Variants in PARD6G observed in about 807,000 individuals in gnomAD.
PARD6G encodes partitioning defective 6 homolog gamma.
A neutral mutation model predicts 10.7 loss-of-function variants in PARD6G; 7 were observed. That is an observed-to-expected ratio of 0.66 (90% CI 0.37 to 1.23). The LOEUF (loss-of-function observed/expected upper bound fraction) is 1.23, where lower values mean the gene tolerates loss of function less well. Ranked by LOEUF, PARD6G falls within the 50% of genes most tolerant of loss-of-function variation. The pLI is 0.02. For missense variants in PARD6G, 548 were observed against 571.8 expected, an observed-to-expected ratio of 0.96 and a Z score of 0.42; for synonymous variants, 287 against 269.4, an observed-to-expected ratio of 1.07 and a Z score of -0.64.
chr18:80,245,354 C>T (rs1247691784), intron 1 of PARD6G, among the ~76,000 whole-genome samples: 2 of 152,176 alleles, frequency 1.3e-5, no homozygotes, highest in Non-Finnish European at 1.5e-5. Flanking sequence ...TGTTAACCAA[C>T]CAGTCCTCCC....
intron 1 of PARD6G, among the ~76,000 whole-genome samples, chr18:80,207,557 A>G (rs1967065658): frequency 6.6e-6 from 1 of 152,242 alleles, no homozygotes; most frequent in African/African-American, 2.4e-5. Flanking sequence ...ACTTGTTAAT[A>G]ACTCAATCTA....
chr18:80,197,112 A>C (rs1599860524), intron 2 of PARD6G, among the ~76,000 whole-genome samples: 1 of 152,174 alleles, frequency 6.6e-6, no homozygotes, highest in South Asian at 2.1e-4. Context: ...TCAAGCCCCT[A>C]GGCGGTGTCC....
At position 80,175,089 on chromosome 18, in the gene PARD6G, G is replaced by C. The variant is rs2052800881; in HGVS notation, c.296-14483C>G. 6.6e-6 allele frequency among the ~76,000 whole-genome samples: 1 copy of C among 152,148 alleles called. No homozygotes were observed. The highest frequency in any genetic ancestry group is 2.1e-4 in the South Asian group (1 of 4,824). ...AAGACTAAACAGACTGGAGAAAATG[G>C]ATTAAACAAAGCAGAAAGAAAATGC... On this transcript the variant is annotated intron_variant, in intron 2 of 2. Coordinates refer to ENST00000353265, the MANE Select transcript of PARD6G (RefSeq NM_032510.4). This position sits in a 1 kb window ranked among gnomAD's most constrained non-coding sequence, Gnocchi z 6.7.
chr18:80,192,110 ATTAAGGAG>A lies in PARD6G; in HGVS notation c.295+10592_295+10599del, dbSNP rs1435891363. 3.3e-5 allele frequency among the ~76,000 whole-genome samples: 5 copies of A among 152,228 alleles called. No homozygotes were observed. Among genetic ancestry groups the A allele is most frequent in the Admixed American group, 2.6e-4 (4 of 15,284 alleles). ...AACCACAAGAAGTTTCCATTTGATC[ATTAAGGAG>A]TCACTAAAAACCCTAGAAGGTGTTG... On this transcript the variant is annotated intron_variant, in intron 2 of 2. Coordinates refer to ENST00000353265, the MANE Select transcript of PARD6G (RefSeq NM_032510.4). The surrounding 1 kb of genome is among the most constrained non-coding windows in gnomAD (Gnocchi z 4.9).
intron 1 of PARD6G, among the ~76,000 whole-genome samples, chr18:80,227,008 A>G (rs1967299831): frequency 6.6e-6 from 1 of 152,184 alleles, no homozygotes; most frequent in African/African-American, 2.4e-5. Flanking sequence ...TCTGTTGCCC[A>G]GGCTGCAGTG....
At chr18:80,233,311 G>A (rs576375819) in intron 1 of PARD6G, among the ~76,000 whole-genome samples, 17 of 152,264 alleles carry the variant, frequency 1.1e-4, no homozygotes, top group African/African-American at 3.1e-4. Context: ...CCGCATAGCC[G>A]GTGACTGGAA....
chr18:80,230,695 T>C (rs929543629), intron 1 of PARD6G, among the ~76,000 whole-genome samples: 24 of 152,096 alleles, frequency 1.6e-4, no homozygotes, highest in African/African-American at 5.1e-4. Flanking sequence ...TCTGGACCAA[T>C]GCACCCAGCA....
At chr18:80,177,216 G>GCCCACA (rs1491357384) in intron 2 of PARD6G, among the ~76,000 whole-genome samples, 1 of 48,134 alleles carries the variant, frequency 2.1e-5, no homozygotes, top group Non-Finnish European at 3.2e-5. Context: ...TAAATGGGAA[G>GCCCACA]CGCACACACA....
At chr18:80,235,571 G>T (rs1295874165) in intron 1 of PARD6G, among the ~76,000 whole-genome samples, 2 of 152,156 alleles carry the variant, frequency 1.3e-5, no homozygotes, top group Non-Finnish European at 2.9e-5. Context: ...GAATCCAGGA[G>T]CTGGTTTTTT....
At chr18:80,245,867 G>A (rs1198031606) in intron 1 of PARD6G, among the ~76,000 whole-genome samples, 2 of 152,066 alleles carry the variant, frequency 1.3e-5, no homozygotes, top group Admixed American at 1.3e-4. Flanking sequence ...CGAGGTCATG[G>A]GGCAAGGGTA....
At chr18:80,238,154 T>C (rs891657247) in intron 1 of PARD6G, among the ~76,000 whole-genome samples, 2 of 152,152 alleles carry the variant, frequency 1.3e-5, no homozygotes, top group Non-Finnish European at 2.9e-5. Flanking sequence ...CGGAATACTA[T>C]GCAGCCATAA....
In PARD6G at chr18:80,201,943, C is replaced by G. The variant is rs1967011560; in HGVS notation, c.295+767G>C. 6.6e-6 allele frequency: 1 copy of G among 152,310 alleles called. No homozygotes were observed. Among genetic ancestry groups the G allele is most frequent in the Admixed American group, 6.5e-5 (1 of 15,282 alleles). The allele number at this position is 152,310 out of a possible 1,614,324, so 9.4% of individuals were successfully genotyped here. A position where few individuals can be genotyped will look rare whatever the true frequency, so the allele number is the denominator to read the frequency against. On this transcript the variant is annotated intron_variant, in intron 2 of 2. Coordinates refer to ENST00000353265, the MANE Select transcript of PARD6G (RefSeq NM_032510.4). The surrounding 1 kb of genome is among the most constrained non-coding windows in gnomAD (Gnocchi z 5.9). ...CTGGCAGCAGATCCATGAGGGCAGA[C>G]AGGGCACACTGCAACCTCACCTTGC...
intron 2 of PARD6G, among the ~76,000 whole-genome samples, chr18:80,173,869 A>G (rs2052792708): frequency 6.6e-6 from 1 of 152,144 alleles, no homozygotes; most frequent in African/African-American, 2.4e-5. Flanking sequence ...GCGCATGGCT[A>G]CTGCCTCACA....
chr18:80,179,561 C>T (rs1030047944), intron 2 of PARD6G, among the ~76,000 whole-genome samples: 1 of 152,188 alleles, frequency 6.6e-6, no homozygotes, highest in African/African-American at 2.4e-5. Context: ...TGCCCTGGGC[C>T]CACGTTAAAT....
Position 80,247,451 on chromosome 18 carries a change from C to G in PARD6G, c.-103G>C. On this transcript the variant is annotated 5_prime_UTR_variant, in exon 1 of 3. Transcript: ENST00000353265. This position sits in a 1 kb window ranked among gnomAD's most constrained non-coding sequence, Gnocchi z 4.2. ...AGGCCCCGGCCCCGGCCCCGGCCCG[C>G]GCTCGCTTGGCCGGCGGGCTGCTCC... is the stretch of plus-strand genomic sequence containing the variant. The G allele has an allele frequency of 1.2e-6, 1 of 810,038 alleles. No homozygotes were observed. Among genetic ancestry groups the G allele is most frequent in the African/African-American group, 1.9e-5 (1 of 51,928 alleles). 50.2% of individuals were successfully genotyped at this position (810,038 alleles called of 1,614,324 possible). A position where few individuals can be genotyped will look rare whatever the true frequency, so the allele number is the denominator to read the frequency against.
rs2052669923 is a variant in PARD6G, at chr18:80,158,364, T to G, written c.*1407A>C. 1 of 152,222 alleles carries G rather than the reference T, an allele frequency of 6.6e-6. No individual in the cohort carries two copies. The allele number at this position is 152,222 out of a possible 1,614,324, so 9.4% of individuals were successfully genotyped here. On this transcript the variant is annotated 3_prime_UTR_variant, in exon 3 of 3. Coordinates refer to ENST00000353265, the MANE Select transcript of PARD6G (RefSeq NM_032510.4). The stretch of plus-strand genomic sequence containing the variant: ...CATTGCTGGACATGTGCGATGCTTA[T>G]CCTTCATTTCTGCTGAAAACATTTC...
At chr18:80,199,746 G>A (rs752946741) in intron 2 of PARD6G, among the ~76,000 whole-genome samples, 29 of 152,146 alleles carry the variant, frequency 1.9e-4, no homozygotes, top group Non-Finnish European at 4.0e-4. Context: ...GGGTTCAAGC[G>A]ATTTCTCCTG....
intron 2 of PARD6G, among the ~76,000 whole-genome samples, chr18:80,186,474 ACACCCTCACATG>A (rs1416760259): frequency 8.3e-6 from 1 of 120,468 alleles, no homozygotes; most frequent in Non-Finnish European, 1.7e-5. Context: ...CAAGGCTCGC[ACACCCTCACATG>A]CACCCTCACA....
chr18:80,175,422 G>A lies in PARD6G; in HGVS notation c.296-14816C>T, dbSNP rs933383276. Reference sequence around the variant, plus strand: ...AGCTGCCTTCTTCCTGTATCCCCACGTGGCAGGGAGACCGAGATCTCTGGT... The same window carrying A: ...AGCTGCCTTCTTCCTGTATCCCCACATGGCAGGGAGACCGAGATCTCTGGT... On this transcript the variant is annotated intron_variant, in intron 2 of 2. Coordinates refer to ENST00000353265, the MANE Select transcript of PARD6G (RefSeq NM_032510.4). This position sits in a 1 kb window ranked among gnomAD's most constrained non-coding sequence, Gnocchi z 6.7. 7.0e-4 allele frequency among the ~76,000 whole-genome samples: 106 copies of A among 152,128 alleles called. No individual in the cohort carries two copies. The highest frequency in any genetic ancestry group is 2.5e-3 in the African/African-American group (105 of 41,418).
Sources: gnomAD v4.1 joint callset for allele counts (sites outside exome capture counted in the v4.1 genomes callset) on GRCh38, gnomAD v4.1.1 for gene constraint, Gnocchi (gnomAD v3.1) non-coding constraint, MANE v1.5 for transcripts, NCBI Gene and HGNC (gene_info 2026-07-23, HGNC 2026-07-21) for gene names.